COL19A1: variants seen among roughly 807,000 people sequenced by gnomAD.
COL19A1 encodes collagen alpha-1(XIX) chain.
A neutral mutation model predicts 190.2 loss-of-function variants in COL19A1; 159 were observed. The ratio of observed to expected loss-of-function variants is 0.84; its 90% CI spans 0.73 to 0.95. The LOEUF is 0.95. COL19A1 is among the 40% of genes least tolerant of loss of function. The pLI, the probability that COL19A1 is intolerant of heterozygous loss-of-function variation, is 0.00. For missense variants in COL19A1, 1,418 were observed against 1,431.9 expected, an observed-to-expected ratio of 0.99 and a Z score of 0.16; for synonymous variants, 509 against 458.9, an observed-to-expected ratio of 1.11 and a Z score of -1.39.
intron 2 of COL19A1, among the ~76,000 whole-genome samples, chr6:69,887,487 C>CT (rs1281436689): frequency 6.6e-6 from 1 of 152,152 alleles, no homozygotes; most frequent in East Asian, 1.9e-4. Context: ...ATTTATACCC[C>CT]TGTGTAACTA....
chr6:70,135,490 C>A (rs1785803257), intron 18 of COL19A1, among the ~76,000 whole-genome samples: 1 of 152,098 alleles, frequency 6.6e-6, no homozygotes, highest in Non-Finnish European at 1.5e-5. Flanking sequence ...TTTGGGGATT[C>A]CAAGGATTCT....
intron 41 of COL19A1, among the ~76,000 whole-genome samples, chr6:70,173,861 AGGAAT>A (rs1201495761): frequency 3.3e-5 from 5 of 152,170 alleles, no homozygotes; most frequent in Admixed American, 1.3e-4. Flanking sequence ...TATATGCTAA[AGGAAT>A]GACTCAGTAG....
intron 16 of COL19A1, among the ~76,000 whole-genome samples, chr6:70,106,503 T>C (rs922996520): frequency 4.9e-4 from 74 of 152,332 alleles, no homozygotes; most frequent in African/African-American, 1.7e-3. Flanking sequence ...TGGAAAGTCA[T>C]GTATATCACT....
chr6:69,962,759 T>C, intron 10 of COL19A1, 67 bp from the exon 11 acceptor site: 2 of 1,082,436 alleles, frequency 1.8e-6, no homozygotes, highest in Non-Finnish European at 2.6e-6. Flanking sequence ...ATAATTTTTA[T>C]TGTAAAAATT....
intron 16 of COL19A1, among the ~76,000 whole-genome samples, chr6:70,121,475 T>C (rs1347460405): frequency 6.6e-6 from 1 of 152,336 alleles, no homozygotes; most frequent in Non-Finnish European, 1.5e-5. Flanking sequence ...CCCAATTTAC[T>C]AAGTTAATAA....
intron 2 of COL19A1, among the ~76,000 whole-genome samples, chr6:69,888,130 G>A (rs1769067239): frequency 6.6e-6 from 1 of 152,162 alleles, no homozygotes; most frequent in Admixed American, 6.5e-5. Context: ...CCAGCAGAAA[G>A]GGCCATTGTC....
intron 16 of COL19A1, 150 bp downstream of exon 16, chr6:70,102,372 A>G: frequency 1.6e-6 from 1 of 637,906 alleles, no homozygotes; most frequent in Admixed American, 2.6e-5. Flanking sequence ...TGAGTAGTTC[A>G]TACTCTCTAT....
intron 2 of COL19A1, among the ~76,000 whole-genome samples, chr6:69,882,235 C>G (rs1768611983): frequency 6.6e-6 from 1 of 152,188 alleles, no homozygotes; most frequent in South Asian, 2.1e-4. Flanking sequence ...TGGAGAGATT[C>G]AATAATAACT....
chr6:70,145,173 G>T (rs1182139148), intron 25 of COL19A1, among the ~76,000 whole-genome samples, 166 bp downstream of exon 25: 1 of 152,078 alleles, frequency 6.6e-6, no homozygotes, highest in Non-Finnish European at 1.5e-5. Flanking sequence ...CCACTACTGG[G>T]TTTCTTTTCC....
At chr6:70,154,096 A>T (rs1260522754) in intron 31 of COL19A1, among the ~76,000 whole-genome samples, 1 of 150,640 alleles carries the variant, frequency 6.6e-6, no homozygotes, top group Non-Finnish European at 1.5e-5. Flanking sequence ...TCCTAATGCT[A>T]TCCCTCCCCT....
chr6:70,138,807 A>G lies in COL19A1; in HGVS notation c.1446+1060A>G, dbSNP rs893154366. Among the ~76,000 whole-genome samples, 3 of 152,162 alleles carry G rather than the reference A, an allele frequency of 2.0e-5. No individual in the cohort carries two copies. The East Asian group carries it at 5.8e-4, about 29-fold the overall frequency. On this transcript the variant is annotated intron_variant, in intron 19 of 50. Coordinates refer to ENST00000620364, the MANE Select transcript of COL19A1 (RefSeq NM_001858.6). ...TAGTATTCAGTTCAAGCCTTCTTAC[A>G]CAACTACAGGATTTGGCAGTCTTTA... is the stretch of plus-strand genomic sequence containing the variant.
chr6:69,995,502 G>T (rs1776852128), intron 11 of COL19A1, among the ~76,000 whole-genome samples: 1 of 150,736 alleles, frequency 6.6e-6, no homozygotes, highest in African/African-American at 2.5e-5. Context: ...TAGATGGTTT[G>T]ATTTAAGTAA....
At chr6:70,080,433 CAT>C (rs1299104036) in intron 15 of COL19A1, among the ~76,000 whole-genome samples, 2 of 152,170 alleles carry the variant, frequency 1.3e-5, no homozygotes, top group Non-Finnish European at 2.9e-5. Context: ...AAAATGTGGG[CAT>C]TTCATTTTAT....
At chr6:70,133,022 T>C (rs1785618108) in intron 18 of COL19A1, among the ~76,000 whole-genome samples, 1 of 152,212 alleles carries the variant, frequency 6.6e-6, no homozygotes, top group African/African-American at 2.4e-5. Flanking sequence ...TATTCACCCA[T>C]CTCAATCTTT....
chr6:70,177,660 A>C (rs561728597), intron 42 of COL19A1, among the ~76,000 whole-genome samples: 26 of 152,314 alleles, frequency 1.7e-4, no homozygotes, highest in African/African-American at 5.5e-4. Context: ...TTGACTACAC[A>C]CTTAATTCTA....
intron 4 of COL19A1, among the ~76,000 whole-genome samples, chr6:69,904,652 GC>G (rs1344477106): frequency 2.4e-4 from 37 of 152,306 alleles, no homozygotes; most frequent in African/African-American, 8.4e-4. Flanking sequence ...CATAGGGTGA[GC>G]CTGCAGTGGT....
intron 15 of COL19A1, among the ~76,000 whole-genome samples, chr6:70,083,549 T>A (rs1311969574): frequency 6.6e-6 from 1 of 152,222 alleles, no homozygotes; most frequent in Non-Finnish European, 1.5e-5. Context: ...AGAGAAGTGC[T>A]GATTTAGTAG....
At chr6:70,092,123 G>A (rs749399442) in intron 15 of COL19A1, among the ~76,000 whole-genome samples, 1 of 152,136 alleles carries the variant, frequency 6.6e-6, no homozygotes, top group Non-Finnish European at 1.5e-5. Context: ...CTGGGGATAA[G>A]TATCAGAAGA....
intron 25 of COL19A1, 46 bp downstream of exon 25, chr6:70,145,053 A>G (rs2150238855): frequency 7.5e-7 from 1 of 1,325,676 alleles, no homozygotes. Flanking sequence ...AAGTTCATTA[A>G]TTACTACTTG....
Sources: allele counts gnomAD v4.1 joint callset (sites outside exome capture counted in the v4.1 genomes callset), GRCh38; gene constraint gnomAD v4.1.1; transcripts MANE v1.5; gene names NCBI Gene and HGNC (gene_info 2026-07-23, HGNC 2026-07-21).